Variants in PRDM15 observed in about 807,000 individuals in gnomAD.
The protein encoded by PRDM15 is PR domain zinc finger protein 15.
Under a neutral mutation model 128.6 loss-of-function variants are expected in PRDM15, and 64 were observed. The ratio of observed to expected loss-of-function variants is 0.50; its 90% confidence interval spans 0.41 to 0.61. The LOEUF is 0.61. Ranked by LOEUF, PRDM15 falls within the 20% of genes least tolerant of loss-of-function variation. The probability of loss-of-function intolerance (pLI) is 0.00; values close to 1 mark genes in which losing one functional copy is unlikely to be tolerated. For synonymous variants in PRDM15, 615 were observed against 621.8 expected, an observed-to-expected ratio of 0.99 and a Z score of 0.16; for missense variants, 1,242 against 1,569.1, an observed-to-expected ratio of 0.79 and a Z score of 3.52.
At chr21:41,826,483 T>C (rs2062476945) in intron 12 of PRDM15, among the ~76,000 whole-genome samples, 1 of 152,218 alleles carries the variant, frequency 6.6e-6, no homozygotes, top group African/African-American at 2.4e-5. Flanking sequence ...TAAAAGATAC[T>C]AATATTCATC....
intron 4 of PRDM15, among the ~76,000 whole-genome samples, chr21:41,855,748 G>A (rs113141906): frequency 0.084 from 12,804 of 152,218 alleles, 754 homozygotes; most frequent in Non-Finnish European, 0.13. Flanking sequence ...TCTTTAAAGG[G>A]GCCTCGCCCC....
intron 3 of PRDM15, chr21:41,858,884 A>G: frequency 1.6e-6 from 1 of 606,416 alleles, no homozygotes; most frequent in Non-Finnish European, 2.9e-6. Flanking sequence ...AGGCTCCTGG[A>G]AACAGTTCTG....
At chr21:41,813,110 G>A (rs1183018298) in intron 19 of PRDM15, 1 of 152,194 alleles carries the variant, frequency 6.6e-6, no homozygotes, top group African/African-American at 2.4e-5. Context: ...AAAAACTGAT[G>A]GGGAGGTGGA....
At chr21:41,817,628 G>A (rs968525666) in intron 18 of PRDM15, among the ~76,000 whole-genome samples, 1 of 152,020 alleles carries the variant, frequency 6.6e-6, no homozygotes, top group Non-Finnish European at 1.5e-5. Context: ...TATATGAATC[G>A]TACGAAGGGC....
chr21:41,836,754 G>A (rs778095095), intron 8 of PRDM15, 105 bp from the exon 9 acceptor site: 14 of 932,190 alleles, frequency 1.5e-5, no homozygotes, highest in East Asian at 7.4e-5. Flanking sequence ...AGCTAATCCC[G>A]AGCCTGTATG....
intron 21 of PRDM15, among the ~76,000 whole-genome samples, chr21:41,805,783 A>ACAC (rs756371518): frequency 6.8e-6 from 1 of 146,022 alleles, no homozygotes; most frequent in East Asian, 2.0e-4. Context: ...ATCAACACCA[A>ACAC]CACCACCACC....
At chr21:41,878,681 G>A in intron 1 of PRDM15, 4 of 1,534,088 alleles carry the variant, frequency 2.6e-6, no homozygotes, top group Non-Finnish European at 3.5e-6. Context: ...AGGGGGTCTG[G>A]GAGACCCCAT....
At chr21:41,846,332 C>A (rs1310895128) in intron 6 of PRDM15, among the ~76,000 whole-genome samples, 1 of 152,244 alleles carries the variant, frequency 6.6e-6, no homozygotes, top group African/African-American at 2.4e-5. Flanking sequence ...AGAAAGTTCC[C>A]AGAGCACTGC....
chr21:41,807,799 G>A (rs11908959), intron 21 of PRDM15, among the ~76,000 whole-genome samples: 2,726 of 152,264 alleles, frequency 0.018, 79 homozygotes, highest in African/African-American at 0.062. Flanking sequence ...AAATTGGTTC[G>A]AGAACAAAGA....
chr21:41,821,760 A>G lies in PRDM15; in HGVS notation c.1896+143T>C. 1.0e-6 allele frequency: 1 copy of G among 979,298 alleles called. No individual in the cohort carries two copies. Among genetic ancestry groups the G allele is most frequent in the Admixed American group, 2.0e-5 (1 of 48,974 alleles). 60.7% of individuals were successfully genotyped at this position (979,298 alleles called of 1,614,324 possible). A position where few individuals can be genotyped will look rare whatever the true frequency, so the allele number is the denominator to read the frequency against. ...AGTGATGGACAGGCACCCAGTCTGC[A>G]GTAGGACCACTGGCCGGAGCCTTTG... is the stretch of plus-strand genomic sequence containing the variant. On this transcript the variant is annotated intron_variant, in intron 15 of 23. Transcript: ENST00000398548. The surrounding 1 kb of genome is among the most constrained non-coding windows in gnomAD (Gnocchi z 5.4).
At chr21:41,840,037 G>A (rs1468932964) in intron 6 of PRDM15, among the ~76,000 whole-genome samples, 184 bp from the exon 7 acceptor site, 2 of 152,188 alleles carry the variant, frequency 1.3e-5, no homozygotes, top group East Asian at 3.8e-4. Flanking sequence ...ATTTTGAAAA[G>A]TAAATTAAGT....
Position 41,828,754 on chromosome 21 carries a change from CA to C in PRDM15, c.1367-422del, listed in dbSNP as rs1232494420. 3.0e-5 allele frequency among the ~76,000 whole-genome samples: 3 copies of C among 100,814 alleles called. No individual in the cohort carries two copies. Among genetic ancestry groups the C allele is most frequent in the African/African-American group, 9.6e-5 (3 of 31,192 alleles). 66.1% of individuals were successfully genotyped at this position (100,814 alleles called of 152,430 possible). A position where few individuals can be genotyped will look rare whatever the true frequency, so the allele number is the denominator to read the frequency against. ...CCAACCAACCAACCAACCACCCGAG[CA>C]ACTGACCACCCGACCAATGTGGCCG... On this transcript the variant is annotated intron_variant, in intron 11 of 23. Coordinates refer to ENST00000398548, the MANE Select transcript of PRDM15 (RefSeq NM_001040424.3). This position sits in a 1 kb window ranked among gnomAD's most constrained non-coding sequence, Gnocchi z 5.7.
rs1475424056 is a variant in PRDM15 at position 41,828,985 on chromosome 21, C to T, written c.1367-652G>A. Among the ~76,000 whole-genome samples the T allele has an allele frequency of 6.7e-6, 1 of 149,766 alleles. No homozygotes were observed. The highest frequency in any genetic ancestry group is 1.5e-5 in the Non-Finnish European group (1 of 67,364). On this transcript the variant is annotated intron_variant, in intron 11 of 23. Transcript: ENST00000398548. This position sits in a 1 kb window ranked among gnomAD's most constrained non-coding sequence, Gnocchi z 5.7. ...CACATACACACACCACGCACACATG[C>T]CCCACACAAATACACAACCACACAC...
intron 7 of PRDM15, among the ~76,000 whole-genome samples, chr21:41,839,365 G>C (rs896116033): frequency 1.3e-5 from 2 of 152,222 alleles, no homozygotes; most frequent in South Asian, 2.1e-4. Flanking sequence ...TACCCTGACG[G>C]GGGTGCTGGT....
chr21:41,819,499 G>C, intron 18 of PRDM15, 83 bp downstream of exon 18: 1 of 639,342 alleles, frequency 1.6e-6, no homozygotes, highest in Non-Finnish European at 2.3e-6. Flanking sequence ...CACACTCCCA[G>C]TTCTCGCTCA....
intron 6 of PRDM15, among the ~76,000 whole-genome samples, chr21:41,840,068 C>CA (rs1485165968): frequency 2.0e-5 from 3 of 152,188 alleles, no homozygotes; most frequent in African/African-American, 4.8e-5. Context: ...AGGGTAGGTT[C>CA]ACCATGAGGG....
At chr21:41,827,340 C>T (rs2062507218) in intron 12 of PRDM15, among the ~76,000 whole-genome samples, 1 of 152,186 alleles carries the variant, frequency 6.6e-6, no homozygotes, top group Admixed American at 6.5e-5. Context: ...TTTGGACGGA[C>T]ATGGTTATAC....
rs374398679 is a variant in PRDM15, at chr21:41,828,171, A to G, written c.1529T>C (p.Leu510Pro). 9 of 1,613,514 alleles carry G rather than the reference A, an allele frequency of 5.6e-6. No homozygotes were observed. The African/African-American group carries it at 9.3e-5, about 17-fold the overall frequency. The change falls in exon 12 of 24, where the codon CTG becomes CCG. Residue 510 changes from leucine (L) to proline (P), a missense_variant. Physicochemically the swap from Leu to Pro is moderately conservative, Grantham distance 98. Around this residue, in one of 3 missense-constraint regions of PRDM15, gnomAD observed 612 missense variants for 717.0 expected, o/e 0.85. Transcript: ENST00000398548. The surrounding 1 kb of genome is among the most constrained non-coding windows in gnomAD (Gnocchi z 5.7). ...DVMLDHQRRH[L>P]EGVRRVKRED... ...AGGTGCGCAGGCGGCCTCACCTTCC[A>G]GGTGCCGGCGCTGGTGGTCCAGCAT...
rs1266500305 is a variant in PRDM15, at chr21:41,836,776, G to T, written c.1002-127C>A. On this transcript the variant is annotated intron_variant, in intron 8 of 23. Coordinates refer to ENST00000398548, the MANE Select transcript of PRDM15 (RefSeq NM_001040424.3). The stretch of plus-strand genomic sequence containing the variant: ...CCCGAGCCTGTATGCGAGAAAGGAG[G>T]GAATGCGCCCGGGCGTCACTCCCAG... 92 of 734,672 alleles carry T rather than the reference G, an allele frequency of 1.3e-4. No individual in the cohort carries two copies. In the East Asian group the frequency reaches 2.3e-3, roughly 18 times the overall value. 45.5% of individuals were successfully genotyped at this position (734,672 alleles called of 1,614,324 possible).
Sources: allele counts gnomAD v4.1 joint callset (sites outside exome capture counted in the v4.1 genomes callset), GRCh38; gene constraint gnomAD v4.1.1; regional missense constraint gnomAD v4.1.1; non-coding constraint Gnocchi (gnomAD v3.1); transcripts MANE v1.5; gene names NCBI Gene and HGNC (gene_info 2026-07-23, HGNC 2026-07-21).